Variants in OR4Q3 observed in about 807,000 individuals in gnomAD.
OR4Q3 encodes the protein olfactory receptor 4Q3.
Under a neutral mutation model 18.8 loss-of-function variants are expected in OR4Q3, and 17 were observed. That is an observed-to-expected ratio of 0.91 (90% CI 0.62 to 1.36). The LOEUF (loss-of-function observed/expected upper bound fraction) is 1.36. Among genes scored for constraint, OR4Q3 ranks in the 40% most tolerant of loss-of-function variants. The pLI is 0.00. For missense variants in OR4Q3, 378 were observed against 373.4 expected, an observed-to-expected ratio of 1.01 and a Z score of -0.10; for synonymous variants, 158 against 145.8, an observed-to-expected ratio of 1.08 and a Z score of -0.60.
At chr14:19,752,088 A>G, downstream of OR4Q3, among the ~76,000 whole-genome samples, 19 of 152,350 alleles carry the variant, frequency 1.2e-4, no homozygotes, top group African/African-American at 3.4e-4. Flanking sequence ...AATCTAGGAC[A>G]TATTTTTCTT....
At chr14:19,743,733 C>T (rs1330649988) in intron 1 of OR4Q3, 62 bp downstream of exon 1, 2 of 152,294 alleles carry the variant, frequency 1.3e-5, no homozygotes, top group Admixed American at 1.3e-4. Context: ...CTGTTTGATG[C>T]TATTTTTATG....
At chr14:19,743,827 T>A (rs531631434) in intron 1 of OR4Q3, among the ~76,000 whole-genome samples, 156 bp downstream of exon 1, 1 of 152,318 alleles carries the variant, frequency 6.6e-6, no homozygotes, top group South Asian at 2.1e-4. Context: ...GTTTTTTGTT[T>A]TAAATTTACT....
chr14:19,746,894 T>C, intron 1 of OR4Q3, among the ~76,000 whole-genome samples: 6 of 151,108 alleles, frequency 4.0e-5, no homozygotes, highest in African/African-American at 9.7e-5. Context: ...TATTTCCTCA[T>C]CTTGAGAGAT....
chr14:19,746,463 A>G, intron 1 of OR4Q3, among the ~76,000 whole-genome samples: 1 of 151,930 alleles, frequency 6.6e-6, no homozygotes, highest in Non-Finnish European at 1.5e-5. Flanking sequence ...AAGCAACACA[A>G]CTCTGGTTTC....
downstream of OR4Q3, among the ~76,000 whole-genome samples, chr14:19,749,894 C>CTT: frequency 3.8e-5 from 1 of 26,532 alleles, no homozygotes; most frequent in Non-Finnish European, 1.6e-4. Context: ...TTCTTTCTTT[C>CTT]TTTCTTTCTT....
At chr14:19,743,833 T>G (rs1379112097) in intron 1 of OR4Q3, among the ~76,000 whole-genome samples, 162 bp downstream of exon 1, 2 of 152,188 alleles carry the variant, frequency 1.3e-5, no homozygotes, top group African/African-American at 4.8e-5. Flanking sequence ...TGTTTTAAAT[T>G]TACTCTTAGA....
At chr14:19,751,969 A>G, downstream of OR4Q3, among the ~76,000 whole-genome samples, 34 of 152,306 alleles carry the variant, frequency 2.2e-4, no homozygotes, top group Non-Finnish European at 4.6e-4. Flanking sequence ...TTGAGGTGCA[A>G]AGTGCAGGAA....
At chr14:19,751,861 A>G, downstream of OR4Q3, among the ~76,000 whole-genome samples, 1 of 151,952 alleles carries the variant, frequency 6.6e-6, no homozygotes, top group African/African-American at 2.4e-5. Context: ...TTTTGTATAG[A>G]TTTTTGCACC....
chr14:19,747,377 T>C, intron 1 of OR4Q3, 29 bp from the exon 2 acceptor site: 1 of 1,214,092 alleles, frequency 8.2e-7, no homozygotes, highest in African/African-American at 1.5e-5. Context: ...ACCTTAAATC[T>C]CCCTTGTTCT....
chr14:19,747,410 C>T, exon 2 of OR4Q3: 3 of 1,529,568 alleles, frequency 2.0e-6, no homozygotes, highest in East Asian at 4.5e-5. Flanking sequence ...CTTTAGGTCA[C>T]TTGATATTCT....
downstream of OR4Q3, among the ~76,000 whole-genome samples, chr14:19,751,334 T>A: frequency 6.6e-6 from 1 of 152,188 alleles, no homozygotes; most frequent in Admixed American, 6.5e-5. Flanking sequence ...ATTGGCCTGA[T>A]GTTTTCTTTC....
exon 2 of OR4Q3, chr14:19,748,317 C>G: frequency 6.2e-7 from 1 of 1,613,378 alleles, no homozygotes; most frequent in Non-Finnish European, 8.5e-7. Context: ...GATATGAAGA[C>G]AGCTATGAAG....
chr14:19,748,476 G>A, exon 2 of OR4Q3: 5 of 830,434 alleles, frequency 6.0e-6, no homozygotes, highest in African/African-American at 1.7e-5. Flanking sequence ...TATAAAAGAG[G>A]AGATAGCATA....
chr14:19,750,566 T>C, downstream of OR4Q3, among the ~76,000 whole-genome samples: 2 of 152,256 alleles, frequency 1.3e-5, no homozygotes, highest in Non-Finnish European at 2.9e-5. Flanking sequence ...AAAAAATGTC[T>C]GAAACTCCAT....
intron 1 of OR4Q3, among the ~76,000 whole-genome samples, chr14:19,743,892 C>T (rs1437241678): frequency 2.6e-5 from 4 of 152,158 alleles, no homozygotes; most frequent in African/African-American, 7.2e-5. Flanking sequence ...AATTCTAGGG[C>T]TAGTGGCATC....
At chr14:19,745,381 T>A in intron 1 of OR4Q3, among the ~76,000 whole-genome samples, 1 of 152,194 alleles carries the variant, frequency 6.6e-6, no homozygotes, top group Non-Finnish European at 1.5e-5. Context: ...TAGTATAATC[T>A]TTTCTTTCTC....
chr14:19,748,621 C>G lies in OR4Q3; in HGVS notation c.*252C>G. On this transcript the variant is annotated 3_prime_UTR_variant, in exon 2 of 2. Transcript: ENST00000642117. ...TTTACTGGCCACAAACGATAACAAGCATTAATTGAAAGATCAACTTTTCTA... is the reference window on the plus strand; with the variant it reads ...TTTACTGGCCACAAACGATAACAAGGATTAATTGAAAGATCAACTTTTCTA... 11 of 463,454 alleles carry G rather than the reference C, an allele frequency of 2.4e-5. No individual in the cohort carries two copies. The East Asian group carries it at 3.4e-4, about 14-fold the overall frequency. The allele number at this position is 463,454 out of a possible 1,614,324, so 28.7% of individuals were successfully genotyped here.
intron 1 of OR4Q3, among the ~76,000 whole-genome samples, chr14:19,745,578 T>TTTCTC: frequency 6.6e-6 from 1 of 152,196 alleles, no homozygotes; most frequent in Admixed American, 6.5e-5. Flanking sequence ...ATAACTTTGG[T>TTTCTC]TTCTCTTTCT....
exon 2 of OR4Q3, chr14:19,747,996 G>T: frequency 3.1e-6 from 5 of 1,614,070 alleles, no homozygotes; most frequent in Non-Finnish European, 4.2e-6. Flanking sequence ...AAGCTGGCCT[G>T]CATGGACACC....
Sources: gnomAD v4.1 joint callset for allele counts (sites outside exome capture counted in the v4.1 genomes callset) on GRCh38, gnomAD v4.1.1 for gene constraint, MANE v1.5 for transcripts, NCBI Gene and HGNC (gene_info 2026-07-23, HGNC 2026-07-21) for gene names.